Variants in STXBP5L observed in about 807,000 individuals in gnomAD.
STXBP5L encodes syntaxin binding protein 5L.
Under a neutral mutation model 144.5 loss-of-function variants are expected in STXBP5L, and 65 were observed. The ratio of observed to expected loss-of-function variants is 0.45; its 90% CI spans 0.37 to 0.55. The LOEUF is 0.55. Among genes scored for constraint, STXBP5L ranks in the 20% least tolerant of loss-of-function variants. STXBP5L has a pLI of 0.00. For missense variants in STXBP5L, 1,298 were observed against 1,405.5 expected (o/e 0.92, Z 1.22); for synonymous variants, 505 against 469.6 (o/e 1.08, Z -0.97).
chr3:121,270,232 CTTTTT>C (rs34309576), intron 18 of STXBP5L, among the ~76,000 whole-genome samples: 1 of 137,332 alleles, frequency 7.3e-6, no homozygotes. Flanking sequence ...AGAAGAAGAG[CTTTTT>C]TTTTTTTTTT....
At chr3:121,104,279 T>G (rs896879330) in intron 5 of STXBP5L, among the ~76,000 whole-genome samples, 1 of 152,136 alleles carries the variant, frequency 6.6e-6, no homozygotes, top group African/African-American at 2.4e-5. Flanking sequence ...CATCTCATGC[T>G]CATGGATGGG....
intron 7 of STXBP5L, among the ~76,000 whole-genome samples, chr3:121,130,821 TACAAA>T (rs1467267807): frequency 6.6e-6 from 1 of 152,004 alleles, no homozygotes; most frequent in East Asian, 1.9e-4. Context: ...AAGTAGAAAA[TACAAA>T]TCAAAATAGG....
intron 5 of STXBP5L, among the ~76,000 whole-genome samples, chr3:121,093,111 A>C (rs1198002844): frequency 6.6e-6 from 1 of 152,204 alleles, no homozygotes; most frequent in Admixed American, 6.5e-5. Flanking sequence ...CTTGCATCCC[A>C]GGGATGAAGC....
At chr3:121,077,025 A>T (rs1389645226) in intron 5 of STXBP5L, among the ~76,000 whole-genome samples, 2 of 152,186 alleles carry the variant, frequency 1.3e-5, no homozygotes, top group African/African-American at 4.8e-5. Context: ...ACAGTCCATG[A>T]TAAGAGGTCT....
At chr3:120,944,110 T>A (rs1321000069) in intron 2 of STXBP5L, among the ~76,000 whole-genome samples, 1 of 151,336 alleles carries the variant, frequency 6.6e-6, no homozygotes, top group African/African-American at 2.4e-5. Context: ...CAGTTAGGAT[T>A]TTTTTTTGGA....
At chr3:120,976,249 A>G (rs990787261) in intron 3 of STXBP5L, among the ~76,000 whole-genome samples, 4 of 152,140 alleles carry the variant, frequency 2.6e-5, no homozygotes, top group Non-Finnish European at 5.9e-5. Context: ...TCAGAGATTC[A>G]ACTTCTTCCT....
intron 19 of STXBP5L, among the ~76,000 whole-genome samples, chr3:121,290,185 A>T (rs2051377190): frequency 6.6e-6 from 1 of 152,158 alleles, no homozygotes; most frequent in African/African-American, 2.4e-5. Flanking sequence ...AAGAGAGAAG[A>T]TCCAAATAAA....
intron 3 of STXBP5L, among the ~76,000 whole-genome samples, chr3:121,034,392 A>T (rs1022271227): frequency 4.6e-5 from 7 of 152,106 alleles, no homozygotes; most frequent in Non-Finnish European, 7.4e-5. Flanking sequence ...AATATTTCAC[A>T]GTTTCTGAGT....
intron 3 of STXBP5L, among the ~76,000 whole-genome samples, chr3:120,984,679 C>G (rs1185273062): frequency 2.0e-5 from 2 of 99,952 alleles, no homozygotes; most frequent in Non-Finnish European, 3.6e-5. Context: ...GCTAGAACTT[C>G]TAGTAAGTAC....
chr3:120,977,142 G>C (rs1222834139), intron 3 of STXBP5L, among the ~76,000 whole-genome samples: 1 of 152,122 alleles, frequency 6.6e-6, no homozygotes, highest in African/African-American at 2.4e-5. Flanking sequence ...GTTGACAGTG[G>C]GGTGTTAAAG....
chr3:121,049,225 T>C (rs949317073), intron 5 of STXBP5L, among the ~76,000 whole-genome samples: 12 of 152,064 alleles, frequency 7.9e-5, no homozygotes, highest in African/African-American at 2.9e-4. Flanking sequence ...CTAATCACTG[T>C]GTACCCTCCT....
Position 121,354,971 on chromosome 3 carries a change from G to A in STXBP5L, c.2177-23745G>A, listed in dbSNP as rs187267421. Among the ~76,000 whole-genome samples, 644 of 152,262 alleles carry A rather than the reference G, an allele frequency of 4.2e-3. 4 individuals carry two copies. Among genetic ancestry groups the A allele is most frequent in the African/African-American group, 0.015 (614 of 41,536 alleles). The stretch of plus-strand genomic sequence containing the variant: ...TATGAAGCTTAGTTTGGCTGGATAT[G>A]AAATTCTGGGTTGAAAATTCTTTAA... On this transcript the variant is annotated intron_variant, in intron 20 of 26. Coordinates refer to ENST00000471454, the MANE Select transcript of STXBP5L (RefSeq NM_001308330.2).
rs899970101 is a variant in STXBP5L, at chr3:121,048,999, G to A, written c.470+3464G>A. 5.9e-5 allele frequency among the ~76,000 whole-genome samples: 9 copies of A among 152,292 alleles called. No homozygotes were observed. The South Asian group carries it at 1.7e-3, about 28-fold the overall frequency. The stretch of plus-strand genomic sequence containing the variant: ...GGGCAACAGGAGCAAGGGCTGCAGG[G>A]CAGCAAAAATGGTGGCCTGCTTGCT... On this transcript the variant is annotated intron_variant, in intron 5 of 26. Transcript: ENST00000471454.
chr3:121,402,930 A>G (rs904524258), intron 22 of STXBP5L, among the ~76,000 whole-genome samples: 4 of 152,188 alleles, frequency 2.6e-5, no homozygotes, highest in African/African-American at 4.8e-5. Context: ...ACTAGACTCA[A>G]ACGATCCTCC....
chr3:120,979,585 G>A (rs574204239), intron 3 of STXBP5L, among the ~76,000 whole-genome samples: 2 of 152,266 alleles, frequency 1.3e-5, no homozygotes, highest in South Asian at 4.1e-4. Flanking sequence ...GCACTCCCTA[G>A]TGAGATGAAC....
chr3:120,982,403 G>T (rs890817729), intron 3 of STXBP5L, among the ~76,000 whole-genome samples: 3 of 152,130 alleles, frequency 2.0e-5, no homozygotes, highest in Admixed American at 2.0e-4. Flanking sequence ...AGAGCTCCTG[G>T]TGAAATGTAC....
At chr3:121,353,603 A>G (rs946170147) in intron 20 of STXBP5L, among the ~76,000 whole-genome samples, 4 of 152,070 alleles carry the variant, frequency 2.6e-5, no homozygotes, top group Non-Finnish European at 5.9e-5. Context: ...GTAGTGGTCT[A>G]TCAATTTTGT....
intron 22 of STXBP5L, among the ~76,000 whole-genome samples, chr3:121,401,440 C>G (rs2108732204): frequency 1.3e-5 from 2 of 148,706 alleles, no homozygotes; most frequent in Admixed American, 1.4e-4. Flanking sequence ...AAGACACATG[C>G]ACACGTATGT....
chr3:121,203,548 G>A (rs1453130946), intron 9 of STXBP5L, among the ~76,000 whole-genome samples: 1 of 152,102 alleles, frequency 6.6e-6, no homozygotes, highest in Non-Finnish European at 1.5e-5. Context: ...CGATAATGTT[G>A]TGATACACAA....
Sources: gnomAD v4.1 joint callset for allele counts (sites outside exome capture counted in the v4.1 genomes callset) on GRCh38, gnomAD v4.1.1 for gene constraint, MANE v1.5 for transcripts, NCBI Gene and HGNC (gene_info 2026-07-23, HGNC 2026-07-21) for gene names.